The following PCDH15 variants were observed in gnomAD, a reference collection of about 807,000 sequenced individuals.
The protein encoded by PCDH15 is protocadherin related 15, also known as protocadherin-15.
A neutral mutation model predicts 178.5 loss-of-function variants in PCDH15; 129 were observed. The ratio of observed to expected loss-of-function variants is 0.72; its 90% CI spans 0.63 to 0.84. PCDH15 has a LOEUF of 0.84. Ranked by LOEUF, PCDH15 falls within the 40% of genes least tolerant of loss-of-function variation. PCDH15 has a pLI of 0.00. For synonymous variants in PCDH15, 800 were observed against 732.0 expected (o/e 1.09, Z -1.50); for missense variants, 2,230 against 2,099.9 (o/e 1.06, Z -1.21).
rs189788611 is a variant in PCDH15 at position 55,411,282 on chromosome 10, T to C, written c.-156+216343A>G. On this transcript the variant is annotated intron_variant, in intron 2 of 5. Transcript: ENST00000613346. Reference sequence around the variant, plus strand: ...ATAATTAAATCAAAGAAAATGACATTATCTTTTTAGACTGATTATCATAAT... The same window carrying C: ...ATAATTAAATCAAAGAAAATGACATCATCTTTTTAGACTGATTATCATAAT... Among the ~76,000 whole-genome samples, 167 of 152,206 alleles carry C rather than the reference T, an allele frequency of 1.1e-3. 2 individuals are homozygous for C. Among genetic ancestry groups the C allele is most frequent in the Admixed American group, 2.1e-3 (32 of 15,260 alleles).
At chr10:55,496,072 G>A (rs1235612856) in intron 2 of PCDH15, among the ~76,000 whole-genome samples, 1 of 151,730 alleles carries the variant, frequency 6.6e-6, no homozygotes, top group Non-Finnish European at 1.5e-5. Context: ...ATTTTGGGGA[G>A]GAGGAAAAAT....
intron 3 of PCDH15, among the ~76,000 whole-genome samples, chr10:54,402,464 C>A (rs185260705): frequency 0.016 from 2,503 of 151,882 alleles, 64 homozygotes; most frequent in African/African-American, 0.057. Flanking sequence ...GATAGGCCAC[C>A]TTTTATTGCT....
intron 18 of PCDH15, among the ~76,000 whole-genome samples, chr10:54,061,664 G>T (rs1289546727): frequency 6.6e-6 from 1 of 151,744 alleles, no homozygotes; most frequent in Non-Finnish European, 1.5e-5. Flanking sequence ...AGAATTTATA[G>T]CACCCATTTG....
intron 2 of PCDH15, among the ~76,000 whole-genome samples, chr10:55,361,464 A>G (rs1269379939): frequency 1.3e-5 from 2 of 152,064 alleles, no homozygotes; most frequent in African/African-American, 4.8e-5. Context: ...AAACGATTAG[A>G]AATTTGATAA....
At position 54,369,139 on chromosome 10, in the gene PCDH15, T is replaced by A; in HGVS notation, c.455A>T (p.Tyr152Phe). The change falls in exon 5 of 38, where the codon TAC becomes TTC. Residue 152 changes from tyrosine to phenylalanine, a missense_variant. Coordinates refer to ENST00000644397, the MANE Select transcript of PCDH15 (RefSeq NM_001384140.1). ...DNSPTFKHES[Y>F]YATVNELTPV... ...ACTGACCTCATTCACTGTGGCATAG[T>A]AGCTTTCATGCTTGAAAGTGGGTGA... 1 of 1,612,948 alleles carries A rather than the reference T, an allele frequency of 6.2e-7. No individual in the cohort carries two copies. Among genetic ancestry groups the A allele is most frequent in the Non-Finnish European group, 8.5e-7 (1 of 1,179,326 alleles).
intron 1 of PCDH15, among the ~76,000 whole-genome samples, chr10:54,721,096 A>G (rs1941526744): frequency 6.6e-6 from 1 of 152,058 alleles, no homozygotes; most frequent in South Asian, 2.1e-4. Flanking sequence ...TCTCAAAACT[A>G]CACAAGTAAA....
intron 16 of PCDH15, among the ~76,000 whole-genome samples, chr10:54,086,592 T>A (rs2094520568): frequency 6.6e-6 from 1 of 152,130 alleles, no homozygotes. Flanking sequence ...TCAAATGCAT[T>A]GAAATGTATT....
intron 3 of PCDH15, among the ~76,000 whole-genome samples, chr10:54,413,570 T>A (rs1172505365): frequency 6.6e-6 from 1 of 152,212 alleles, no homozygotes; most frequent in African/African-American, 2.4e-5. Context: ...TATTTCTACA[T>A]GAAGAGATTT....
chr10:55,206,092 G>T (rs1353885071), intron 1 of PCDH15, among the ~76,000 whole-genome samples: 1 of 151,926 alleles, frequency 6.6e-6, no homozygotes, highest in Non-Finnish European at 1.5e-5. Flanking sequence ...TATGCGATTT[G>T]GGTGGGGACA....
chr10:54,684,193 A>G (rs545563455), intron 1 of PCDH15, among the ~76,000 whole-genome samples: 3 of 152,094 alleles, frequency 2.0e-5, no homozygotes, highest in Non-Finnish European at 4.4e-5. Context: ...ATACCTTCAT[A>G]TAAGGATATT....
chr10:55,424,612 T>C (rs117542205), intron 2 of PCDH15, among the ~76,000 whole-genome samples: 2,045 of 152,232 alleles, frequency 0.013, 27 homozygotes, highest in Non-Finnish European at 0.018. Context: ...CTTCAAAACA[T>C]AAGACAACCT....
chr10:55,082,413 A>C (rs1279746616), intron 2 of PCDH15, among the ~76,000 whole-genome samples: 1 of 151,956 alleles, frequency 6.6e-6, no homozygotes, highest in Non-Finnish European at 1.5e-5. Context: ...AACAAACACA[A>C]TACTAAGAGG....
chr10:53,947,431 C>T (rs1439292743), intron 23 of PCDH15, among the ~76,000 whole-genome samples: 2 of 151,862 alleles, frequency 1.3e-5, no homozygotes, highest in Non-Finnish European at 2.9e-5. Flanking sequence ...TTTCTTTGTA[C>T]TAAGAGACAA....
At chr10:55,164,006 C>A (rs1839129090) in intron 2 of PCDH15, among the ~76,000 whole-genome samples, 1 of 152,140 alleles carries the variant, frequency 6.6e-6, no homozygotes, top group African/African-American at 2.4e-5. Context: ...GGGTCAAGAA[C>A]CTTCTCTTGG....
chr10:54,064,049 A>G (rs1257160658), intron 18 of PCDH15, among the ~76,000 whole-genome samples: 1 of 152,150 alleles, frequency 6.6e-6, no homozygotes, highest in Non-Finnish European at 1.5e-5. Flanking sequence ...CACATCCAGG[A>G]AGAATGAGGT....
intron 3 of PCDH15, among the ~76,000 whole-genome samples, chr10:54,465,401 A>T (rs2077451277): frequency 6.6e-6 from 1 of 151,940 alleles, no homozygotes. Flanking sequence ...TATCCTTCCC[A>T]CATACATTTC....
intron 3 of PCDH15, among the ~76,000 whole-genome samples, chr10:54,852,027 A>G (rs1368286711): frequency 6.6e-6 from 1 of 152,192 alleles, no homozygotes; most frequent in Non-Finnish European, 1.5e-5. Flanking sequence ...AAGAGTTTAA[A>G]TTTAATACAT....
chr10:54,855,499 C>A (rs1953723900), intron 3 of PCDH15, among the ~76,000 whole-genome samples: 1 of 152,130 alleles, frequency 6.6e-6, no homozygotes, highest in Admixed American at 6.5e-5. Context: ...TAGCATCCTG[C>A]ATCAAAAATA....
At position 54,191,844 on chromosome 10, in the gene PCDH15, C is replaced by T. The variant is rs537876561; in HGVS notation, c.1305+3839G>A. On this transcript the variant is annotated intron_variant, in intron 11 of 37. Coordinates refer to ENST00000644397, the MANE Select transcript of PCDH15 (RefSeq NM_001384140.1). ...GCTGTTGTGGGAGAATCACTTGAGC[C>T]AGGGAGGCAGAGGTTGCAGTGAGCC... 6.6e-5 allele frequency among the ~76,000 whole-genome samples: 10 copies of T among 151,322 alleles called. No homozygotes were observed. In the South Asian group the frequency reaches 2.1e-3, roughly 32 times the overall value.
Sources: allele counts gnomAD v4.1 joint callset (sites outside exome capture counted in the v4.1 genomes callset), GRCh38; gene constraint gnomAD v4.1.1; transcripts MANE v1.5; gene names NCBI Gene and HGNC (gene_info 2026-07-23, HGNC 2026-07-21).